Variants in ALK observed in about 807,000 individuals in gnomAD.
ALK encodes ALK tyrosine kinase receptor.
In ALK, 74 loss-of-function variants were observed where a neutral mutation model predicts 163.1. The ratio of observed to expected loss-of-function variants is 0.45; its 90% CI spans 0.38 to 0.55. The LOEUF (loss-of-function observed/expected upper bound fraction) is 0.55. Ranked by LOEUF, ALK falls within the 20% of genes least tolerant of loss-of-function variation. ALK has a pLI of 0.00. For synonymous variants in ALK, 960 were observed against 843.2 expected (o/e 1.14, Z -2.40); for missense variants, 2,063 against 2,105.3 (o/e 0.98, Z 0.39).
chr2:29,229,681 C>T (rs2148181225), intron 15 of ALK, among the ~76,000 whole-genome samples: 1 of 152,314 alleles, frequency 6.6e-6, no homozygotes, highest in Non-Finnish European at 1.5e-5. Flanking sequence ...GGTTGATGTT[C>T]CGCTCAAAGG....
chr2:29,649,912 C>T (rs967491444), intron 3 of ALK, among the ~76,000 whole-genome samples: 4 of 152,134 alleles, frequency 2.6e-5, no homozygotes, highest in Admixed American at 6.6e-5. Context: ...TTTTCATGAA[C>T]TCATGATTTT....
At chr2:29,918,853 A>G (rs1667905184) in intron 1 of ALK, among the ~76,000 whole-genome samples, 1 of 152,238 alleles carries the variant, frequency 6.6e-6, no homozygotes, top group South Asian at 2.1e-4. Flanking sequence ...AATGATAGAA[A>G]AGAAGCTGGG....
chr2:29,821,910 C>T (rs568194139), intron 1 of ALK, among the ~76,000 whole-genome samples: 1 of 152,300 alleles, frequency 6.6e-6, no homozygotes, highest in Non-Finnish European at 1.5e-5. Flanking sequence ...AAGGGCCACT[C>T]TGAGGTGGCT....
intron 1 of ALK, among the ~76,000 whole-genome samples, chr2:29,843,788 T>C (rs1665762630): frequency 6.6e-6 from 1 of 152,182 alleles, no homozygotes. Context: ...ATGGGTTGCT[T>C]TGATATATAG....
chr2:29,219,645 A>C (rs771313880), intron 23 of ALK, among the ~76,000 whole-genome samples: 14 of 152,212 alleles, frequency 9.2e-5, no homozygotes, highest in Non-Finnish European at 1.6e-4. Context: ...TGCAGACCCA[A>C]GCATGGGCAG....
chr2:29,896,273 G>T (rs567807053), intron 1 of ALK, among the ~76,000 whole-genome samples: 3 of 152,150 alleles, frequency 2.0e-5, no homozygotes, highest in African/African-American at 7.2e-5. Context: ...GAATACAAAG[G>T]GTACCTCCGA....
chr2:29,462,521 G>A (rs536853772), intron 4 of ALK, among the ~76,000 whole-genome samples: 6 of 152,256 alleles, frequency 3.9e-5, no homozygotes, highest in South Asian at 2.1e-4. Context: ...CTGACTCACC[G>A]AAGGCTCAAA....
At chr2:29,700,913 T>C (rs749908347) in intron 2 of ALK, among the ~76,000 whole-genome samples, 6 of 152,094 alleles carry the variant, frequency 3.9e-5, no homozygotes, top group Admixed American at 1.3e-4. Context: ...AGGGTGGAAA[T>C]ATAGCCTCTA....
intron 3 of ALK, among the ~76,000 whole-genome samples, chr2:29,663,502 A>T (rs751366632): frequency 5.9e-5 from 9 of 152,112 alleles, no homozygotes; most frequent in Non-Finnish European, 1.0e-4. Context: ...GAGTACAACC[A>T]GTGATGGCAT....
intron 3 of ALK, among the ~76,000 whole-genome samples, chr2:29,610,928 C>T (rs2148221314): frequency 6.6e-6 from 1 of 152,260 alleles, no homozygotes; most frequent in South Asian, 2.1e-4. Context: ...TAGGACCCCA[C>T]TGAAAAATGT....
intron 11 of ALK, among the ~76,000 whole-genome samples, chr2:29,267,420 G>A (rs942379549): frequency 3.3e-5 from 5 of 152,144 alleles, no homozygotes; most frequent in South Asian, 2.1e-4. Flanking sequence ...CTGTGTTTAC[G>A]GTCATTTGTT....
chr2:29,636,880 AC>A (rs1214124165), intron 3 of ALK, among the ~76,000 whole-genome samples: 1 of 152,248 alleles, frequency 6.6e-6, no homozygotes, highest in Admixed American at 6.5e-5. Context: ...GCAAATTACA[AC>A]CACACTGAGC....
chr2:29,682,243 G>T (rs1397445234), intron 3 of ALK, among the ~76,000 whole-genome samples: 1 of 152,166 alleles, frequency 6.6e-6, no homozygotes, highest in Non-Finnish European at 1.5e-5. Context: ...AAAAATGAGA[G>T]AAATGAATGA....
chr2:29,233,427 T>C, intron 14 of ALK, 138 bp downstream of exon 14: 2 of 1,271,168 alleles, frequency 1.6e-6, no homozygotes, highest in Non-Finnish European at 2.3e-6. Context: ...ATTACAGGAA[T>C]GAGCCACTGT....
chr2:29,822,031 T>C (rs1167750829), intron 1 of ALK, among the ~76,000 whole-genome samples: 1 of 152,224 alleles, frequency 6.6e-6, no homozygotes, highest in Non-Finnish European at 1.5e-5. Flanking sequence ...TCAGGCCTTC[T>C]TCTGCAGAAT....
At chr2:29,873,841 C>T (rs933304746) in intron 1 of ALK, among the ~76,000 whole-genome samples, 1 of 151,790 alleles carries the variant, frequency 6.6e-6, no homozygotes, top group East Asian at 1.9e-4. Context: ...TAGCAATAAC[C>T]GCCTGATAAT....
chr2:29,912,578 T>C (rs930815290), intron 1 of ALK, among the ~76,000 whole-genome samples: 4 of 152,120 alleles, frequency 2.6e-5, no homozygotes, highest in South Asian at 4.2e-4. Context: ...ATAGGAAATA[T>C]TGAAACTTGA....
intron 4 of ALK, among the ~76,000 whole-genome samples, chr2:29,463,795 G>A (rs1238173521): frequency 2.0e-5 from 3 of 152,076 alleles, no homozygotes; most frequent in African/African-American, 4.8e-5. Context: ...ATTCATGCAT[G>A]CATGAGGGAA....
intron 11 of ALK, among the ~76,000 whole-genome samples, chr2:29,268,822 G>T (rs1169954974): frequency 6.6e-6 from 1 of 152,164 alleles, no homozygotes; most frequent in Non-Finnish European, 1.5e-5. Flanking sequence ...TGATTAGTGG[G>T]TCAAGTCACA....
Sources: allele counts gnomAD v4.1 joint callset (sites outside exome capture counted in the v4.1 genomes callset), GRCh38; gene constraint gnomAD v4.1.1; transcripts MANE v1.5; gene names NCBI Gene and HGNC (gene_info 2026-07-23, HGNC 2026-07-21).